TMEM132D: variants seen among roughly 807,000 people sequenced by gnomAD.
The protein encoded by TMEM132D is transmembrane protein 132D, also known as mature OL transmembrane protein.
A neutral mutation model predicts 62.3 loss-of-function variants in TMEM132D; 21 were observed. That is an observed-to-expected ratio of 0.34 (90% CI 0.24 to 0.49). The LOEUF is 0.49. Among genes scored for constraint, TMEM132D ranks in the 20% least tolerant of loss-of-function variants. The probability of loss-of-function intolerance (pLI) is 0.99; values close to 1 mark genes in which losing one functional copy is unlikely to be tolerated. For synonymous variants in TMEM132D, 621 were observed against 575.6 expected (o/e 1.08, Z -1.13); for missense variants, 1,346 against 1,402.8 (o/e 0.96, Z 0.65).
chr12:129,435,126 A>C (rs1239870827), intron 3 of TMEM132D, among the ~76,000 whole-genome samples: 4 of 152,108 alleles, frequency 2.6e-5, no homozygotes, highest in African/African-American at 9.7e-5. Flanking sequence ...AGGTTTTTCC[A>C]TGTTGCAAAA....
intron 1 of TMEM132D, among the ~76,000 whole-genome samples, chr12:129,802,924 G>A (rs1431586101): frequency 6.6e-6 from 1 of 151,008 alleles, no homozygotes; most frequent in African/African-American, 2.4e-5. Flanking sequence ...AACCAACAAA[G>A]ATCAAAAGAG....
At position 129,435,515 on chromosome 12, in the gene TMEM132D, G is replaced by T. The variant is rs558032700; in HGVS notation, c.1115+95544C>A. Among the ~76,000 whole-genome samples, 32 of 152,226 alleles carry T rather than the reference G, an allele frequency of 2.1e-4. No individual in the cohort carries two copies. The South Asian group carries it at 6.7e-3, about 32-fold the overall frequency. On this transcript the variant is annotated intron_variant, in intron 3 of 8. Transcript: ENST00000422113. Reference sequence around the variant, plus strand: ...TTGTCTTTTTGATAATAACCATTCTGGGGTGAGACAATTTCTCATGGTGGT... The same window carrying T: ...TTGTCTTTTTGATAATAACCATTCTTGGGTGAGACAATTTCTCATGGTGGT...
chr12:129,711,514 T>A (rs1593130479), intron 1 of TMEM132D, among the ~76,000 whole-genome samples: 1 of 151,942 alleles, frequency 6.6e-6, no homozygotes, highest in South Asian at 2.1e-4. Flanking sequence ...TCACCTGAGG[T>A]CAGGTGTTCG....
At chr12:129,459,739 AC>A (rs1873597272) in intron 3 of TMEM132D, among the ~76,000 whole-genome samples, 1 of 152,186 alleles carries the variant, frequency 6.6e-6, no homozygotes, top group Non-Finnish European at 1.5e-5. Flanking sequence ...TTTTTTACTC[AC>A]TTTTATCCAT....
chr12:129,110,409 T>G (rs1036049965), intron 5 of TMEM132D: 4 of 152,234 alleles, frequency 2.6e-5, no homozygotes, highest in African/African-American at 9.6e-5. Flanking sequence ...AGCCTTTTGA[T>G]TCCTATTAAC....
chr12:129,558,774 G>C (rs12231252), intron 2 of TMEM132D, among the ~76,000 whole-genome samples: 1 of 152,044 alleles, frequency 6.6e-6, no homozygotes, highest in African/African-American at 2.4e-5. Flanking sequence ...CTGGAGAAGC[G>C]TTGCATTTAC....
intron 1 of TMEM132D, among the ~76,000 whole-genome samples, chr12:129,757,669 G>A (rs940324183): frequency 3.8e-4 from 58 of 152,244 alleles, no homozygotes; most frequent in African/African-American, 1.3e-3. Context: ...CCACCCTACA[G>A]CAGCCACCTC....
chr12:129,507,213 G>A (rs1182453757), intron 3 of TMEM132D, among the ~76,000 whole-genome samples: 2 of 152,070 alleles, frequency 1.3e-5, no homozygotes, highest in Non-Finnish European at 2.9e-5. Context: ...ATAAATAATA[G>A]ATGTTGGTGT....
At chr12:129,152,501 A>C (rs1877103203) in intron 5 of TMEM132D, among the ~76,000 whole-genome samples, 1 of 152,174 alleles carries the variant, frequency 6.6e-6, no homozygotes, top group Admixed American at 6.5e-5. Flanking sequence ...CCCAGATTTG[A>C]CCTGACATGA....
At chr12:129,413,907 T>C (rs923192477) in intron 3 of TMEM132D, among the ~76,000 whole-genome samples, 1 of 152,200 alleles carries the variant, frequency 6.6e-6, no homozygotes, top group Non-Finnish European at 1.5e-5. Context: ...GAACGAACAA[T>C]ACCTCATACT....
At chr12:129,451,871 A>G (rs970676698) in intron 3 of TMEM132D, among the ~76,000 whole-genome samples, 1 of 152,206 alleles carries the variant, frequency 6.6e-6, no homozygotes, top group Admixed American at 6.5e-5. Flanking sequence ...ACACGGCTAT[A>G]CTAGCTGCAA....
At position 129,439,466 on chromosome 12, in the gene TMEM132D, C is replaced by T. The variant is rs570431594; in HGVS notation, c.1115+91593G>A. ...TGTTTTTTGTTTTTTATTTTTGAGA[C>T]GGAGACGGAATCTCACTCTATTGCC... On this transcript the variant is annotated intron_variant, in intron 3 of 8. Transcript: ENST00000422113. 2.5e-3 allele frequency among the ~76,000 whole-genome samples: 374 copies of T among 151,412 alleles called. 5 individuals carry two copies. Among genetic ancestry groups the T allele is most frequent in the Admixed American group, 0.022 (339 of 15,156 alleles).
At chr12:129,454,460 T>C (rs1319608895) in intron 3 of TMEM132D, among the ~76,000 whole-genome samples, 1 of 152,204 alleles carries the variant, frequency 6.6e-6, no homozygotes, top group African/African-American at 2.4e-5. Flanking sequence ...GGGCTGTAAC[T>C]GGCTTTAAGA....
At position 129,435,680 on chromosome 12, in the gene TMEM132D, C is replaced by A. The variant is rs369175944; in HGVS notation, c.1115+95379G>T. 2.4e-4 allele frequency among the ~76,000 whole-genome samples: 36 copies of A among 152,266 alleles called. No homozygotes were observed. The Middle Eastern group carries it at 0.01, about 43-fold the overall frequency. Reference sequence around the variant, plus strand: ...TGAATCCCAAGCCTAGTTTTTCTCCCCTGAAGATTCTCCATGCTTCTTAAC... The same window carrying A: ...TGAATCCCAAGCCTAGTTTTTCTCCACTGAAGATTCTCCATGCTTCTTAAC... On this transcript the variant is annotated intron_variant, in intron 3 of 8. Coordinates refer to ENST00000422113, the MANE Select transcript of TMEM132D (RefSeq NM_133448.3).
intron 3 of TMEM132D, among the ~76,000 whole-genome samples, chr12:129,406,996 G>A (rs550090400): frequency 1.3e-5 from 2 of 152,316 alleles, no homozygotes; most frequent in South Asian, 4.1e-4. Context: ...GTTAGATAAA[G>A]CAGAAGGTAC....
At chr12:129,559,643 T>C (rs1468755839) in intron 2 of TMEM132D, among the ~76,000 whole-genome samples, 4 of 152,236 alleles carry the variant, frequency 2.6e-5, no homozygotes, top group Non-Finnish European at 5.9e-5. Flanking sequence ...ATAGATGTCA[T>C]GATGTAACCT....
At chr12:129,176,345 A>C (rs1173728419) in intron 5 of TMEM132D, among the ~76,000 whole-genome samples, 12 of 152,256 alleles carry the variant, frequency 7.9e-5, no homozygotes, top group Non-Finnish European at 2.9e-5. Flanking sequence ...ATTTACATAC[A>C]GTGTGACTCC....
chr12:129,148,175 T>C (rs2135534007), intron 5 of TMEM132D, among the ~76,000 whole-genome samples: 1 of 152,314 alleles, frequency 6.6e-6, no homozygotes, highest in East Asian at 1.9e-4. Context: ...TTTGTATCCA[T>C]GGCACCTATG....
chr12:129,190,850 T>G (rs1878376957), intron 5 of TMEM132D, among the ~76,000 whole-genome samples: 1 of 152,266 alleles, frequency 6.6e-6, no homozygotes, highest in South Asian at 2.1e-4. Context: ...TGAGCCCATA[T>G]CCTAGCTCTC....
Sources: allele counts gnomAD v4.1 joint callset (sites outside exome capture counted in the v4.1 genomes callset), GRCh38; gene constraint gnomAD v4.1.1; transcripts MANE v1.5; gene names NCBI Gene and HGNC (gene_info 2026-07-23, HGNC 2026-07-21).